Variants in C4orf17 observed in about 807,000 individuals in gnomAD.
The protein encoded by C4orf17 is chromosome 4 open reading frame 17, also known as uncharacterized protein C4orf17.
C4orf17 carries 25 observed loss-of-function variants against 32.0 expected under a neutral mutation model. That is an observed-to-expected ratio of 0.78 (90% CI 0.57 to 1.09). The LOEUF is 1.09. C4orf17 is among the 50% of genes least tolerant of loss of function. C4orf17 has a pLI of 0.00. For synonymous variants in C4orf17, 149 were observed against 145.8 expected, an observed-to-expected ratio of 1.02 and a Z score of -0.16; for missense variants, 420 against 420.0, an observed-to-expected ratio of 1.00 and a Z score of 0.00.
intron 6 of C4orf17, among the ~76,000 whole-genome samples, 197 bp from the exon 7 acceptor site, chr4:99,538,966 C>A (rs1723608332): frequency 6.6e-6 from 1 of 152,144 alleles, no homozygotes. Context: ...TCTGGGCACT[C>A]TACAGTATCA....
At chr4:99,526,211 T>C (rs935900746) in intron 4 of C4orf17, among the ~76,000 whole-genome samples, 9 of 152,194 alleles carry the variant, frequency 5.9e-5, no homozygotes, top group African/African-American at 1.9e-4. Context: ...TGGGGAGAGA[T>C]GTATTTTGCC....
rs756177104 is a variant in C4orf17 at position 99,539,269 on chromosome 4, GCCACCCACAGTTAAATCA to G, written c.752_769del (p.Ser251_Lys256del). ...TGGAACCAGCAGCAGAGACTGGGAAGCCACCCACAGTTAAATCACCACCCACAGTTAAATTGCCCCCAA... is the reference window on the plus strand; with the variant it reads ...TGGAACCAGCAGCAGAGACTGGGAAGCCACCCACAGTTAAATTGCCCCCAA... On this transcript the variant is annotated inframe_deletion, in exon 7 of 9. Coordinates refer to ENST00000326581, the MANE Select transcript of C4orf17 (RefSeq NM_032149.3). 4.3e-6 allele frequency: 7 copies of G among 1,614,060 alleles called. No individual in the cohort carries two copies. The highest frequency in any genetic ancestry group is 1.3e-5 in the African/African-American group (1 of 75,032).
At chr4:99,540,558 G>A in intron 8 of C4orf17, 103 bp downstream of exon 8, 1 of 719,530 alleles carries the variant, frequency 1.4e-6, no homozygotes, top group Non-Finnish European at 2.4e-6. Context: ...TAAAAAAACA[G>A]AAAAATACAA....
Position 99,529,941 on chromosome 4 carries a change from C to G in C4orf17, c.529C>G (p.Leu177Val). ...KANTICIPNY[L>V]DQEIKILAKL... ...AAACACCATTTGCATACCAAACTAT[C>G]TGGATCAGGAAATAAAAGTAAGTAT... is the stretch of plus-strand genomic sequence containing the variant. Residue 177 changes from leucine to valine, a missense_variant, in exon 5 of 9, where the codon CTG becomes GTG. Coordinates refer to ENST00000326581, the MANE Select transcript of C4orf17 (RefSeq NM_032149.3). 1 of 1,609,508 alleles carries G rather than the reference C, an allele frequency of 6.2e-7. No individual in the cohort carries two copies.
At chr4:99,535,075 C>T (rs10013868) in intron 5 of C4orf17, among the ~76,000 whole-genome samples, 24,177 of 152,172 alleles carry the variant, frequency 0.16, 1,987 homozygotes, top group South Asian at 0.27. Context: ...CCAATTTCTT[C>T]TGGCTTGTAG....
chr4:99,515,734 C>T (rs1198989937), intron 2 of C4orf17, among the ~76,000 whole-genome samples: 4 of 151,228 alleles, frequency 2.6e-5, no homozygotes, highest in Non-Finnish European at 2.9e-5. Flanking sequence ...TCCATGTAAC[C>T]AAAAATCACC....
chr4:99,541,553 A>G, intron 8 of C4orf17: 1 of 205,522 alleles, frequency 4.9e-6, no homozygotes, highest in Non-Finnish European at 9.6e-6. Context: ...TCTTACGAGC[A>G]CAATTAACTT....
chr4:99,513,932 T>C (rs1560584074), intron 2 of C4orf17, among the ~76,000 whole-genome samples: 1 of 152,054 alleles, frequency 6.6e-6, no homozygotes. Context: ...ATGAAATATA[T>C]GGAAAACAAG....
intron 2 of C4orf17, among the ~76,000 whole-genome samples, chr4:99,516,078 A>G (rs1330482960): frequency 6.6e-6 from 1 of 152,242 alleles, no homozygotes; most frequent in South Asian, 2.1e-4. Flanking sequence ...CTTAGTTATT[A>G]TAACTAAAAA....
intron 4 of C4orf17, among the ~76,000 whole-genome samples, chr4:99,526,023 CCT>C (rs899685784): frequency 1.3e-5 from 2 of 152,132 alleles, no homozygotes; most frequent in Admixed American, 1.3e-4. Context: ...ATGGCTAGAA[CCT>C]CTAGTACAAT....
At chr4:99,518,221 C>T (rs1342025595) in intron 2 of C4orf17, among the ~76,000 whole-genome samples, 3 of 152,022 alleles carry the variant, frequency 2.0e-5, no homozygotes, top group East Asian at 3.9e-4. Context: ...CCAGTCTATC[C>T]TCCATAGAAC....
chr4:99,515,149 G>A (rs181097516), intron 2 of C4orf17, among the ~76,000 whole-genome samples: 19 of 152,258 alleles, frequency 1.2e-4, no homozygotes, highest in Admixed American at 3.3e-4. Context: ...TGGGTTCAGC[G>A]TACACTGCTT....
chr4:99,514,943 T>A (rs540580994), intron 2 of C4orf17, among the ~76,000 whole-genome samples: 42 of 152,262 alleles, frequency 2.8e-4, no homozygotes, highest in Non-Finnish European at 5.7e-4. Context: ...TGAAATAATG[T>A]CTTTTGCAGC....
Position 99,537,689 on chromosome 4 carries a change from C to T in C4orf17, c.567C>T (p.Ser189=). The change falls in exon 6 of 9, where the codon AGC becomes AGT. Residue 189 remains serine (S), a synonymous_variant. Coordinates refer to ENST00000326581, the MANE Select transcript of C4orf17 (RefSeq NM_032149.3). The part of the protein sequence containing the change: ...QEIKILAKLC[S]ILHTDSLAEV... ...GTCAGATCCTGGCAAAGCTCTGTAG[C>T]ATTTTGCATACTGATTCTCTGGCAG... is the stretch of plus-strand genomic sequence containing the variant. 1 of 1,612,348 alleles carries T rather than the reference C, an allele frequency of 6.2e-7. No individual in the cohort carries two copies. Among genetic ancestry groups the T allele is most frequent in the Non-Finnish European group, 8.5e-7 (1 of 1,179,458 alleles).
At chr4:99,516,927 C>CT (rs1373119914) in intron 2 of C4orf17, among the ~76,000 whole-genome samples, 9 of 152,208 alleles carry the variant, frequency 5.9e-5, no homozygotes, top group African/African-American at 2.2e-4. Context: ...AAGGTTGCCA[C>CT]TATCCTTCAG....
chr4:99,534,453 A>G (rs1723528001), intron 5 of C4orf17, among the ~76,000 whole-genome samples: 1 of 152,130 alleles, frequency 6.6e-6, no homozygotes, highest in Non-Finnish European at 1.5e-5. Flanking sequence ...GCATGCATAT[A>G]TCTTTATAAC....
chr4:99,523,634 T>C (rs1723334279), intron 3 of C4orf17, among the ~76,000 whole-genome samples: 1 of 152,188 alleles, frequency 6.6e-6, no homozygotes, highest in African/African-American at 2.4e-5. Context: ...GAAAGAGGCC[T>C]TTGATGGGGA....
chr4:99,513,248 T>A (rs1212816054), intron 2 of C4orf17, 40 bp downstream of exon 2: 6 of 1,609,246 alleles, frequency 3.7e-6, no homozygotes, highest in Non-Finnish European at 5.1e-6. Context: ...CTCTATTCTC[T>A]ACACTTGGGC....
At chr4:99,529,332 C>A (rs1723439839) in intron 4 of C4orf17, among the ~76,000 whole-genome samples, 4 of 152,186 alleles carry the variant, frequency 2.6e-5, no homozygotes. Flanking sequence ...ATTTCCCTTC[C>A]AACTGATAAA....
Sources: allele counts gnomAD v4.1 joint callset (sites outside exome capture counted in the v4.1 genomes callset), GRCh38; gene constraint gnomAD v4.1.1; transcripts MANE v1.5; gene names NCBI Gene and HGNC (gene_info 2026-07-23, HGNC 2026-07-21).